Variants in LCOR observed in about 807,000 individuals in gnomAD.
LCOR encodes the protein ligand dependent nuclear receptor corepressor, also known as ligand-dependent corepressor.
In LCOR, 14 loss-of-function variants were observed where a neutral mutation model predicts 64.4. The ratio of observed to expected loss-of-function variants is 0.22; its 90% CI spans 0.14 to 0.34. The LOEUF (loss-of-function observed/expected upper bound fraction) is 0.34, where lower values mean the gene tolerates loss of function less well. LCOR is among the 10% of genes least tolerant of loss of function. The pLI, the probability that LCOR is intolerant of heterozygous loss-of-function variation, is 1.00. For missense variants in LCOR, 1,686 were observed against 1,765.3 expected (o/e 0.96, Z 0.80); for synonymous variants, 643 against 642.5 (o/e 1.00, Z -0.01).
intron 7 of LCOR, among the ~76,000 whole-genome samples, chr10:96,970,615 TTTTATTTTA>T (rs1352920705): frequency 6.1e-5 from 9 of 146,626 alleles, no homozygotes; most frequent in Admixed American, 1.3e-4. Flanking sequence ...TTTTATTTTA[TTTTATTTTA>T]TTTATTTTAT....
At chr10:96,955,814 G>A (rs926984202) in intron 7 of LCOR, 1 of 1,614,144 alleles carries the variant, frequency 6.2e-7, no homozygotes, top group Non-Finnish European at 8.5e-7. Flanking sequence ...ACCCTCCAAA[G>A]AAAAAGATGA....
At chr10:96,954,890 C>T (rs548465059) in intron 7 of LCOR, 2 of 1,352,320 alleles carry the variant, frequency 1.5e-6, no homozygotes, top group Admixed American at 2.0e-5. Context: ...GGAGTGGTCC[C>T]CTCACCCATC....
rs184229015 is a variant in LCOR at position 96,905,144 on chromosome 10, A to G, written c.-329-2121A>G. Among the ~76,000 whole-genome samples the G allele has an allele frequency of 8.6e-5, 13 of 152,022 alleles. No individual in the cohort carries two copies. In the East Asian group the frequency reaches 1.9e-3, roughly 23 times the overall value. ...GTTAGTATTATTGATCTTCTGCCCA[A>G]TTTTCTTATGTCAGATTCTGTTCTT... On this transcript the variant is annotated intron_variant, in intron 2 of 7. Coordinates refer to ENST00000421806, the MANE Select transcript of LCOR (RefSeq NM_001346516.2).
chr10:96,938,489 C>T (rs1847391214), intron 4 of LCOR, among the ~76,000 whole-genome samples: 1 of 151,408 alleles, frequency 6.6e-6, no homozygotes, highest in Admixed American at 6.6e-5. Flanking sequence ...GCAGGATGTC[C>T]ACTCTCACCA....
chr10:96,956,265 A>G (rs1445911874), intron 7 of LCOR: 2 of 1,008,572 alleles, frequency 2.0e-6, no homozygotes, highest in African/African-American at 3.5e-5. Flanking sequence ...TTCTTAAGTT[A>G]TATTTGTTTT....
chr10:96,920,624 G>GTGTATA (rs1564626280), intron 4 of LCOR, among the ~76,000 whole-genome samples: 8 of 142,860 alleles, frequency 5.6e-5, no homozygotes, highest in African/African-American at 1.8e-4. Flanking sequence ...GTGTATATAT[G>GTGTATA]TATGTACATT....
chr10:96,968,889 C>T (rs974746249), intron 7 of LCOR, among the ~76,000 whole-genome samples: 2 of 151,766 alleles, frequency 1.3e-5, no homozygotes, highest in Admixed American at 6.6e-5. Context: ...CAGCCCTGAT[C>T]GCACCACTGC....
chr10:96,837,232 T>C (rs754713906), intron 2 of LCOR, among the ~76,000 whole-genome samples: 123 of 152,028 alleles, frequency 8.1e-4, no homozygotes, highest in Non-Finnish European at 1.5e-3. Context: ...CCTCGTGATC[T>C]GCCCGCCTTG....
intron 4 of LCOR, among the ~76,000 whole-genome samples, chr10:96,936,224 T>A (rs115481994): frequency 0.051 from 7,787 of 152,336 alleles, 681 homozygotes; most frequent in African/African-American, 0.18. Flanking sequence ...TTCAGATGAA[T>A]TTTTAAAACT....
chr10:96,942,373 A>G (rs1433116976), intron 4 of LCOR, among the ~76,000 whole-genome samples: 1 of 152,126 alleles, frequency 6.6e-6, no homozygotes, highest in Non-Finnish European at 1.5e-5. Flanking sequence ...GGGAGGTTGC[A>G]GTGAGCTGAG....
chr10:96,866,222 T>C (rs1845971393), intron 2 of LCOR, among the ~76,000 whole-genome samples: 1 of 152,226 alleles, frequency 6.6e-6, no homozygotes, highest in African/African-American at 2.4e-5. Flanking sequence ...TGTACACCCG[T>C]TACATGATCA....
chr10:96,844,793 C>T (rs1324571114), intron 2 of LCOR, among the ~76,000 whole-genome samples: 3 of 152,202 alleles, frequency 2.0e-5, no homozygotes, highest in African/African-American at 7.2e-5. Context: ...CCTACAGAGT[C>T]TTCTGTGTAG....
At position 96,982,408 on chromosome 10, in the gene LCOR, A is replaced by G. The variant is rs1848099051; in HGVS notation, c.1948A>G (p.Asn650Asp). 6 of 1,614,202 alleles carry G rather than the reference A, an allele frequency of 3.7e-6. No homozygotes were observed. In the East Asian group the frequency reaches 1.3e-4, roughly 36 times the overall value. ...TASGMSSPEH[N>D]QPPVALLDTE... ...AAGTGGGATGTCTTCTCCTGAACAC[A>G]ACCAACCACCAGTTGCACTGTTGGA... The change falls in exon 8 of 8, where the codon AAC becomes GAC. Residue 650 changes from asparagine to aspartate, a missense_variant. Coordinates refer to ENST00000421806, the MANE Select transcript of LCOR (RefSeq NM_001346516.2).
intron 2 of LCOR, among the ~76,000 whole-genome samples, chr10:96,879,067 ATTAC>A (rs1385785647): frequency 6.6e-6 from 1 of 152,186 alleles, no homozygotes; most frequent in Non-Finnish European, 1.5e-5. Context: ...AAGTGCTGGG[ATTAC>A]AGTCTTGAGC....
At chr10:96,850,192 G>C (rs1009228153) in intron 2 of LCOR, among the ~76,000 whole-genome samples, 3 of 152,156 alleles carry the variant, frequency 2.0e-5, no homozygotes, top group Admixed American at 6.5e-5. Context: ...ATTAGATCTT[G>C]AAAGAGTAGA....
At chr10:96,860,840 GCAGT>G (rs1845876343) in intron 2 of LCOR, among the ~76,000 whole-genome samples, 1 of 152,176 alleles carries the variant, frequency 6.6e-6, no homozygotes, top group Non-Finnish European at 1.5e-5. Context: ...GTCCTACTCA[GCAGT>G]CATGTGTGAA....
At chr10:96,979,159 GAC>G (rs1848061689) in intron 7 of LCOR, among the ~76,000 whole-genome samples, 1 of 152,192 alleles carries the variant, frequency 6.6e-6, no homozygotes, top group Non-Finnish European at 1.5e-5. Context: ...TCATGACTGA[GAC>G]AGAAAAATCA....
chr10:96,854,392 C>G (rs1205265021), intron 2 of LCOR, among the ~76,000 whole-genome samples: 5 of 152,158 alleles, frequency 3.3e-5, no homozygotes, highest in African/African-American at 7.2e-5. Flanking sequence ...GTGGCGTGAT[C>G]TCGGCTCAAC....
intron 4 of LCOR, among the ~76,000 whole-genome samples, chr10:96,923,124 G>A (rs1481328162): frequency 2.0e-5 from 3 of 152,146 alleles, no homozygotes; most frequent in Non-Finnish European, 4.4e-5. Flanking sequence ...AAGACTTGTT[G>A]GCATTTAAAG....
Sources: gnomAD v4.1 joint callset for allele counts (sites outside exome capture counted in the v4.1 genomes callset) on GRCh38, gnomAD v4.1.1 for gene constraint, MANE v1.5 for transcripts, NCBI Gene and HGNC (gene_info 2026-07-23, HGNC 2026-07-21) for gene names.